TENM2: variants seen among roughly 807,000 people sequenced by gnomAD.
TENM2 encodes the protein teneurin transmembrane protein 2, also known as teneurin-2.
In TENM2, 52 loss-of-function variants were observed where a neutral mutation model predicts 245.2. That is an observed-to-expected ratio of 0.21 (90% CI 0.17 to 0.27). The LOEUF is 0.27. Ranked by LOEUF, TENM2 falls within the 10% of genes least tolerant of loss-of-function variation. The pLI, the probability that TENM2 is intolerant of heterozygous loss-of-function variation, is 1.00. For synonymous variants in TENM2, 1,363 were observed against 1,438.9 expected (o/e 0.95, Z 1.19); for missense variants, 3,046 against 3,666.8 (o/e 0.83, Z 4.37).
At chr5:167,616,975 T>C (rs1182033315) in intron 2 of TENM2, among the ~76,000 whole-genome samples, 1 of 152,148 alleles carries the variant, frequency 6.6e-6, no homozygotes, top group African/African-American at 2.4e-5. Context: ...CCTCTCTCCC[T>C]TGTGCCTATA....
chr5:167,635,036 T>C (rs1779108368), intron 2 of TENM2, among the ~76,000 whole-genome samples: 2 of 152,218 alleles, frequency 1.3e-5, no homozygotes, highest in Non-Finnish European at 2.9e-5. Flanking sequence ...GGCTTAAATA[T>C]TGACTTTGCC....
intron 8 of TENM2, among the ~76,000 whole-genome samples, chr5:168,096,086 C>G (rs1793347657): frequency 6.6e-6 from 1 of 152,186 alleles, no homozygotes; most frequent in Non-Finnish European, 1.5e-5. Context: ...CTTTACTATA[C>G]TGGGTAATAA....
chr5:166,999,011 A>T, the TENM2 span, among the ~76,000 whole-genome samples: 1 of 150,506 alleles, frequency 6.6e-6, no homozygotes, highest in Non-Finnish European at 1.5e-5. Context: ...CTATTATGTT[A>T]CATTATATTT....
At chr5:168,235,050 G>A (rs1244069772) in intron 25 of TENM2, among the ~76,000 whole-genome samples, 1 of 152,180 alleles carries the variant, frequency 6.6e-6, no homozygotes, top group Admixed American at 6.5e-5. Context: ...GCGTGCCTAT[G>A]TGCATGTGAA....
At chr5:167,188,753 C>T in the TENM2 span, among the ~76,000 whole-genome samples, 533 of 152,126 alleles carry the variant, frequency 3.5e-3, 3 homozygotes, top group African/African-American at 0.011. Context: ...ATACTCACTG[C>T]GAACATTGTT....
intron 3 of TENM2, among the ~76,000 whole-genome samples, chr5:167,884,360 C>T (rs1328619850): frequency 6.6e-6 from 1 of 152,182 alleles, no homozygotes; most frequent in Non-Finnish European, 1.5e-5. Context: ...ACCTCTAAAA[C>T]ATATTCATCT....
chr5:167,755,467 A>AT (rs1762250066), intron 2 of TENM2, among the ~76,000 whole-genome samples: 1 of 151,448 alleles, frequency 6.6e-6, no homozygotes, highest in Non-Finnish European at 1.5e-5. Context: ...AGAAAAAAAA[A>AT]ATATGTGAAA....
chr5:167,285,764 C>T lies in TENM2; in HGVS notation c.226+701C>T, dbSNP rs564726517. On this transcript the variant is annotated intron_variant, in intron 1 of 28. Coordinates refer to ENST00000518659, the Ensembl canonical transcript of TENM2. ...CTCCATGTCTTACTAGTCCCAGCCT[C>T]GCTGTGTGTGCACTTTACATTGATG... Among the ~76,000 whole-genome samples the T allele has an allele frequency of 5.3e-5, 8 of 152,348 alleles. No homozygotes were observed. The East Asian group carries it at 9.6e-4, about 18-fold the overall frequency.
At position 167,858,738 on chromosome 5, in the gene TENM2, G is replaced by A. The variant is rs1256378376; in HGVS notation, c.503-17248G>A. Among the ~76,000 whole-genome samples, 4 of 150,958 alleles carry A rather than the reference G, an allele frequency of 2.6e-5. No individual in the cohort carries two copies. The Middle Eastern group carries it at 0.01, about 388-fold the overall frequency. ...GCTGCCGCGACCGACCGCAGCCGCC[G>A]CCGCCCGACCGCCGGGAGGATGGAG... On this transcript the variant is annotated intron_variant, in intron 2 of 28. Coordinates refer to ENST00000518659, the Ensembl canonical transcript of TENM2.
At chr5:168,030,955 A>G (rs985592277) in intron 5 of TENM2, among the ~76,000 whole-genome samples, 8 of 151,928 alleles carry the variant, frequency 5.3e-5, no homozygotes, top group Non-Finnish European at 1.0e-4. Context: ...TTTTACTGAG[A>G]CTCTTTTTGT....
At chr5:168,207,744 G>A (rs970233270) in intron 19 of TENM2, among the ~76,000 whole-genome samples, 5 of 151,972 alleles carry the variant, frequency 3.3e-5, no homozygotes, top group South Asian at 2.1e-4. Flanking sequence ...TCCCTATCTC[G>A]CTTACCCACC....
At chr5:167,274,212 T>C in the TENM2 span, among the ~76,000 whole-genome samples, 2 of 152,244 alleles carry the variant, frequency 1.3e-5, no homozygotes, top group African/African-American at 4.8e-5. Flanking sequence ...AGTTCTATAA[T>C]TTTGTGATTT....
At chr5:167,554,741 C>T (rs1773152860) in intron 2 of TENM2, among the ~76,000 whole-genome samples, 1 of 152,110 alleles carries the variant, frequency 6.6e-6, no homozygotes, top group African/African-American at 2.4e-5. Context: ...CAGTTTGACC[C>T]CAGGGCCTGT....
At chr5:167,181,736 C>T in the TENM2 span, among the ~76,000 whole-genome samples, 4 of 151,990 alleles carry the variant, frequency 2.6e-5, no homozygotes, top group Admixed American at 6.6e-5. Context: ...TTGTGAAGTA[C>T]GTTGCTTTCA....
At chr5:167,912,937 G>A (rs1255696266) in intron 3 of TENM2, among the ~76,000 whole-genome samples, 3 of 152,054 alleles carry the variant, frequency 2.0e-5, no homozygotes, top group Non-Finnish European at 4.4e-5. Context: ...AAAGGAGAAG[G>A]TATTCCCAGA....
chr5:167,948,938 G>A (rs1779858129), intron 3 of TENM2: 1 of 152,140 alleles, frequency 6.6e-6, no homozygotes, highest in South Asian at 2.1e-4. Context: ...AAGCAAGAGG[G>A]CATGTTGTCA....
chr5:167,750,156 G>A (rs914270221), intron 2 of TENM2, among the ~76,000 whole-genome samples: 1 of 152,134 alleles, frequency 6.6e-6, no homozygotes, highest in Admixed American at 6.5e-5. Flanking sequence ...CGACGCTTTG[G>A]ATTAAACGAT....
At chr5:168,010,652 A>T (rs1785150601) in intron 5 of TENM2, among the ~76,000 whole-genome samples, 1 of 152,268 alleles carries the variant, frequency 6.6e-6, no homozygotes, top group African/African-American at 2.4e-5. Flanking sequence ...TAAGTAAATG[A>T]TGATGAAGGA....
intron 2 of TENM2, among the ~76,000 whole-genome samples, chr5:167,776,161 C>CACA (rs1554115636): frequency 1.5e-5 from 2 of 133,138 alleles, no homozygotes; most frequent in Admixed American, 7.5e-5. Flanking sequence ...AAAAAAAAAT[C>CACA]CACACACACA....
Sources: gnomAD v4.1 joint callset for allele counts (sites outside exome capture counted in the v4.1 genomes callset) on GRCh38, gnomAD v4.1.1 for gene constraint, MANE v1.5 for transcripts, NCBI Gene and HGNC (gene_info 2026-07-23, HGNC 2026-07-21) for gene names.